Variants in TMEM232 observed in about 807,000 individuals in gnomAD.
TMEM232 encodes transmembrane protein 232.
Under a neutral mutation model 78.8 loss-of-function variants are expected in TMEM232, and 80 were observed. The observed-to-expected ratio is 1.01, with a 90% CI of 0.85 to 1.22. The LOEUF is 1.22. Ranked by LOEUF, TMEM232 falls within the 50% of genes most tolerant of loss-of-function variation. The probability of loss-of-function intolerance (pLI) is 0.00; values close to 1 mark genes in which losing one functional copy is unlikely to be tolerated. For missense variants in TMEM232, 881 were observed against 742.2 expected, an observed-to-expected ratio of 1.19 and a Z score of -2.17; for synonymous variants, 297 against 254.3, an observed-to-expected ratio of 1.17 and a Z score of -1.60.
chr5:110,713,605 T>C (rs138418550), intron 1 of TMEM232, among the ~76,000 whole-genome samples: 127 of 152,238 alleles, frequency 8.3e-4, no homozygotes, highest in African/African-American at 3.0e-3. Context: ...ATTTCAAAAT[T>C]TGAAAAACAA....
intron 1 of TMEM232, among the ~76,000 whole-genome samples, chr5:110,705,740 G>A (rs113447448): frequency 0.012 from 483 of 39,028 alleles, 3 homozygotes; most frequent in Admixed American, 0.025. Context: ...ACACACATAT[G>A]TGTGTGTGTG....
chr5:110,700,442 A>G (rs1174818965), intron 1 of TMEM232, among the ~76,000 whole-genome samples: 3 of 152,038 alleles, frequency 2.0e-5, no homozygotes, highest in Non-Finnish European at 4.4e-5. Flanking sequence ...TTATACAGCC[A>G]AAGAAGGATA....
rs569562659 is a variant in TMEM232 at position 110,547,938 on chromosome 5, C to T, written c.1456-19103G>A. Among the ~76,000 whole-genome samples, 14 of 141,956 alleles carry T rather than the reference C, an allele frequency of 9.9e-5. No individual in the cohort carries two copies. In the South Asian group the frequency reaches 1.7e-3, roughly 18 times the overall value. 93.1% of individuals were successfully genotyped at this position (141,956 alleles called of 152,430 possible). A position where few individuals can be genotyped will look rare whatever the true frequency, so the allele number is the denominator to read the frequency against. On this transcript the variant is annotated intron_variant, in intron 11 of 13. Transcript: ENST00000455884. ...GCTTGAACCCGGGAGGCGAAGGTTG[C>T]AGTGAGCTGAGATCACGCCGCTGCA...
At position 110,625,443 on chromosome 5, in the gene TMEM232, G is replaced by GA. The variant is rs1784304516; in HGVS notation, c.602-11dup. The GA allele has an allele frequency of 6.7e-7, 1 of 1,493,638 alleles. No individual in the cohort carries two copies. Among genetic ancestry groups the GA allele is most frequent in the Non-Finnish European group, 8.9e-7 (1 of 1,119,782 alleles). The allele number at this position is 1,493,638 out of a possible 1,614,324, so 92.5% of individuals were successfully genotyped here. ...CCAGAGAAAGAAAGTGCTATTGTAA[G>GA]AAAAATCATCTGTGAGAAATAATTT... On this transcript the variant is annotated splice_polypyrimidine_tract_variant and intron_variant, in intron 6 of 13. Transcript: ENST00000455884.
At chr5:110,650,110 T>G (rs534181525) in intron 2 of TMEM232, among the ~76,000 whole-genome samples, 1 of 152,196 alleles carries the variant, frequency 6.6e-6, no homozygotes, top group South Asian at 2.1e-4. Context: ...CAAATGTATG[T>G]TGTAGGTATT....
intron 12 of TMEM232, among the ~76,000 whole-genome samples, chr5:110,523,818 GAGTGT>G (rs1196269238): frequency 6.6e-6 from 1 of 151,846 alleles, no homozygotes; most frequent in Admixed American, 6.6e-5. Context: ...AAACCTAGCT[GAGTGT>G]AGTGTCATGC....
At chr5:110,688,889 T>C (rs1418594449) in intron 1 of TMEM232, among the ~76,000 whole-genome samples, 1 of 152,164 alleles carries the variant, frequency 6.6e-6, no homozygotes, top group African/African-American at 2.4e-5. Context: ...ACCATGGCAA[T>C]GCAAATTGAT....
chr5:110,518,543 A>C (rs1769029343), intron 12 of TMEM232, among the ~76,000 whole-genome samples: 1 of 152,220 alleles, frequency 6.6e-6, no homozygotes, highest in African/African-American at 2.4e-5. Context: ...TTCTGCACAC[A>C]AGACTACTAA....
chr5:110,703,312 A>G (rs76613557), intron 1 of TMEM232, among the ~76,000 whole-genome samples: 3,357 of 152,080 alleles, frequency 0.022, 114 homozygotes, highest in African/African-American at 0.076. Flanking sequence ...CGACAGACCT[A>G]TTTTGCTGAT....
chr5:110,717,029 A>C (rs72773177), intron 1 of TMEM232, among the ~76,000 whole-genome samples: 12,042 of 152,174 alleles, frequency 0.079, 542 homozygotes, highest in Admixed American at 0.12. Context: ...TTTCTAGACT[A>C]GTTGAAAGAC....
chr5:110,479,297 C>A (rs7735315), intron 12 of TMEM232, among the ~76,000 whole-genome samples: 3 of 151,586 alleles, frequency 2.0e-5, no homozygotes, highest in African/African-American at 7.3e-5. Flanking sequence ...TCCATGTAGA[C>A]CCAACTGAAT....
At chr5:110,575,911 A>G (rs568402113) in intron 10 of TMEM232, among the ~76,000 whole-genome samples, 1 of 152,060 alleles carries the variant, frequency 6.6e-6, no homozygotes, top group South Asian at 2.1e-4. Flanking sequence ...GGGAGCTTAG[A>G]TGTTCTTGCT....
intron 7 of TMEM232, among the ~76,000 whole-genome samples, chr5:110,622,934 T>C (rs889888566): frequency 6.6e-6 from 1 of 151,852 alleles, no homozygotes; most frequent in Non-Finnish European, 1.5e-5. Flanking sequence ...ATGGCACATG[T>C]ATACATATGT....
At chr5:110,580,223 A>G (rs930047909) in intron 10 of TMEM232, among the ~76,000 whole-genome samples, 1 of 151,760 alleles carries the variant, frequency 6.6e-6, no homozygotes, top group Non-Finnish European at 1.5e-5. Context: ...CAGTTGTCCC[A>G]TAAGATTATA....
intron 12 of TMEM232, among the ~76,000 whole-genome samples, chr5:110,437,406 T>A (rs1410992758): frequency 6.6e-6 from 1 of 152,012 alleles, no homozygotes; most frequent in Admixed American, 6.6e-5. Flanking sequence ...AAGATGCATA[T>A]ATTTATGAAA....
intron 4 of TMEM232, among the ~76,000 whole-genome samples, chr5:110,639,359 A>G (rs547535915): frequency 6.6e-6 from 1 of 152,216 alleles, no homozygotes; most frequent in South Asian, 2.1e-4. Flanking sequence ...ATGCATTAAA[A>G]TCCTTCTGCT....
Position 110,642,293 on chromosome 5 carries a change from C to A in TMEM232, c.204G>T (p.Leu68Phe). 6.5e-7 allele frequency: 1 copy of A among 1,538,712 alleles called. No individual in the cohort carries two copies. The highest frequency in any genetic ancestry group is 8.8e-7 in the Non-Finnish European group (1 of 1,142,374). ...TQNSKEKEEL[L>F]ELARKIILRC... Reference sequence around the variant, plus strand: ...TGAGAATGATTTTTCTAGCTAGTTCCAACAATTCTTCCTTCTCTTTGGAAT... The same window carrying A: ...TGAGAATGATTTTTCTAGCTAGTTCAAACAATTCTTCCTTCTCTTTGGAAT... Residue 68 changes from leucine to phenylalanine, a missense_variant, in exon 3 of 14, where the codon TTG becomes TTT. Leu to Phe is a conservative substitution (Grantham distance 22). Transcript: ENST00000455884.
intron 2 of TMEM232, among the ~76,000 whole-genome samples, chr5:110,649,036 A>G (rs1440080198): frequency 6.6e-6 from 1 of 152,234 alleles, no homozygotes; most frequent in South Asian, 2.1e-4. Context: ...AGTGTGGCCT[A>G]TAATAATCAT....
intron 7 of TMEM232, among the ~76,000 whole-genome samples, chr5:110,622,583 G>A (rs1281819093): frequency 2.0e-5 from 3 of 151,956 alleles, no homozygotes; most frequent in African/African-American, 7.3e-5. Context: ...TCTTAATCCA[G>A]TCTATCATTG....
Sources: gnomAD v4.1 joint callset for allele counts (sites outside exome capture counted in the v4.1 genomes callset) on GRCh38, gnomAD v4.1.1 for gene constraint, MANE v1.5 for transcripts, NCBI Gene and HGNC (gene_info 2026-07-23, HGNC 2026-07-21) for gene names.